The following SETD5 variants were observed in gnomAD, a reference collection of about 807,000 sequenced individuals.
The protein encoded by SETD5 is histone-lysine N-methyltransferase SETD5.
Under a neutral mutation model 153.3 loss-of-function variants are expected in SETD5, and 44 were observed. The observed-to-expected ratio is 0.29, with a 90% CI of 0.23 to 0.37. The LOEUF (loss-of-function observed/expected upper bound fraction) is 0.37. Among genes scored for constraint, SETD5 ranks in the 10% least tolerant of loss-of-function variants. SETD5 has a pLI of 1.00. For synonymous variants in SETD5, 716 were observed against 645.2 expected (o/e 1.11, Z -1.66); for missense variants, 1,544 against 1,768.0 (o/e 0.87, Z 2.27).
intron 8 of SETD5, among the ~76,000 whole-genome samples, chr3:9,440,913 G>A (rs2041198351): frequency 6.6e-6 from 1 of 152,112 alleles, no homozygotes; most frequent in South Asian, 2.1e-4. Flanking sequence ...TAAAAAAATA[G>A]ATGAATTGAG....
At chr3:9,443,176 CAGATTACCATAACTCCTTAAATAAATAAT>C in intron 10 of SETD5, 103 bp from the exon 11 acceptor site, 1 of 676,010 alleles carries the variant, frequency 1.5e-6, no homozygotes, top group East Asian at 2.9e-5. Context: ...GGTTAAATAA[CAGATTACCATAACTCCTTAAATAAATAAT>C]AGATTACCAT....
chr3:9,475,266 C>G, intron 22 of SETD5, 110 bp downstream of exon 22: 1 of 1,215,872 alleles, frequency 8.2e-7, no homozygotes, highest in African/African-American at 1.5e-5. Flanking sequence ...GTTTCAGCAG[C>G]CTTGGAAATA....
At chr3:9,468,654 G>C in intron 18 of SETD5, 10 of 1,254,228 alleles carry the variant, frequency 8.0e-6, no homozygotes, top group Non-Finnish European at 1.1e-5. Flanking sequence ...GTGTGGGGAG[G>C]GCTGGGGATC....
At chr3:9,416,008 G>C (rs2037364465) in intron 1 of SETD5, among the ~76,000 whole-genome samples, 1 of 151,968 alleles carries the variant, frequency 6.6e-6, no homozygotes, top group African/African-American at 2.4e-5. Context: ...GAGTAGCTGG[G>C]ACTATAGGTG....
chr3:9,441,855 A>T, intron 9 of SETD5, 114 bp downstream of exon 9: 1 of 1,294,112 alleles, frequency 7.7e-7, no homozygotes, highest in Non-Finnish European at 1.1e-6. Flanking sequence ...ATCACAACTC[A>T]GATAAGCTCA....
intron 1 of SETD5, among the ~76,000 whole-genome samples, chr3:9,422,907 C>T (rs1559376633): frequency 6.6e-6 from 1 of 152,208 alleles, no homozygotes; most frequent in South Asian, 2.1e-4. Flanking sequence ...AGCCTCAATA[C>T]AAAGACTGTC....
At chr3:9,448,337 C>G (rs2042251187) in intron 15 of SETD5, 51 bp from the exon 16 acceptor site, 6 of 1,587,356 alleles carry the variant, frequency 3.8e-6, no homozygotes, top group Non-Finnish European at 5.1e-6. Flanking sequence ...TCTTTATGAA[C>G]TACACTGCTA....
At position 9,475,105 on chromosome 3, in the gene SETD5, A is replaced by G; in HGVS notation, c.3669A>G (p.Ser1223=). 3 of 1,591,582 alleles carry G rather than the reference A, an allele frequency of 1.9e-6. No homozygotes were observed. Among genetic ancestry groups the G allele is most frequent in the Admixed American group, 1.8e-5 (1 of 56,628 alleles). ...GAGAAGGCCCAGAGACATTAAGCTC[A>G]GCACTCTCTAAAGGAGCAACAGTTT... ...ADGEGPETLS[S]ALSKGATVYS... The change falls in exon 22 of 23, where the codon TCA becomes TCG. Residue 1223 remains serine (S), a synonymous_variant. Coordinates refer to ENST00000402198, the MANE Select transcript of SETD5 (RefSeq NM_001080517.3).
At position 9,465,199 on chromosome 3, in the gene SETD5, G is replaced by T. The variant is rs559575709; in HGVS notation, c.2724+527G>T. 2.0e-5 allele frequency among the ~76,000 whole-genome samples: 3 copies of T among 152,268 alleles called. No homozygotes were observed. In the South Asian group the frequency reaches 6.2e-4, roughly 32 times the overall value. On this transcript the variant is annotated intron_variant, in intron 18 of 22. Coordinates refer to ENST00000402198, the MANE Select transcript of SETD5 (RefSeq NM_001080517.3). ...CGAATGTGGGTTTTTTCCACTCCAG[G>T]TTACTTTCCCTCTTTGTTATAATGT... is the stretch of plus-strand genomic sequence containing the variant.
intron 11 of SETD5, among the ~76,000 whole-genome samples, chr3:9,444,275 G>A (rs187188514): frequency 4.6e-5 from 7 of 152,220 alleles, no homozygotes; most frequent in Admixed American, 4.6e-4. Context: ...GGTCATTTGG[G>A]GCAAAATAGA....
At chr3:9,456,749 C>G (rs1392148415) in intron 17 of SETD5, among the ~76,000 whole-genome samples, 1 of 150,880 alleles carries the variant, frequency 6.6e-6, no homozygotes, top group Non-Finnish European at 1.5e-5. Flanking sequence ...CTGAGGCGGG[C>G]AGATCACGAG....
chr3:9,462,765 T>C (rs924139916), intron 17 of SETD5, among the ~76,000 whole-genome samples: 2 of 151,940 alleles, frequency 1.3e-5, no homozygotes, highest in Non-Finnish European at 1.5e-5. Context: ...AATGTAGATA[T>C]ATGGGAGCAA....
intron 18 of SETD5, among the ~76,000 whole-genome samples, chr3:9,469,618 C>T (rs946866018): frequency 1.3e-5 from 2 of 152,146 alleles, no homozygotes; most frequent in Non-Finnish European, 2.9e-5. Flanking sequence ...GTTAAAGATT[C>T]TAAGATAACG....
At chr3:9,409,673 A>G (rs1398264748) in intron 1 of SETD5, among the ~76,000 whole-genome samples, 3 of 152,180 alleles carry the variant, frequency 2.0e-5, no homozygotes, top group African/African-American at 7.2e-5. Flanking sequence ...AAACCACAGT[A>G]TGGATGGTAG....
Position 9,447,166 on chromosome 3 carries a change from A to G in SETD5, c.1641A>G (p.Thr547=). 6.2e-7 allele frequency: 1 copy of G among 1,613,984 alleles called. No homozygotes were observed. Among genetic ancestry groups the G allele is most frequent in the Non-Finnish European group, 8.5e-7 (1 of 1,179,880 alleles). ...GCAACTCTGATGTAGAGATTACTAC[A>G]ACCACCTCAGAGACTCCTGTTGGTG... ...EQSNSDVEIT[T]TTSETPVGEE... Residue 547 remains threonine (T), a synonymous_variant, in exon 14 of 23, where the codon ACA becomes ACG. Transcript: ENST00000402198.
Position 9,440,470 on chromosome 3 carries a change from A to G in SETD5, c.582A>G (p.Glu194=). ...GTTTTCTACAGAATTCTCCCTCTGA[A>G]GCACAGAATTTAGATGAGAATACAA... ...KTKKIKNSPS[E]AQNLDENTTE... Residue 194 remains glutamate, a synonymous_variant, in exon 8 of 23, where the codon GAA becomes GAG. Transcript: ENST00000402198. 1.9e-6 allele frequency: 3 copies of G among 1,557,124 alleles called. No homozygotes were observed. Among genetic ancestry groups the G allele is most frequent in the Non-Finnish European group, 8.9e-7 (1 of 1,128,094 alleles).
intron 22 of SETD5, 84 bp downstream of exon 22, chr3:9,475,240 G>T: frequency 7.5e-7 from 1 of 1,325,104 alleles, no homozygotes. Context: ...CCATTGAGAT[G>T]CTGTCTTTGC....
chr3:9,450,731 A>G (rs2042525723), intron 16 of SETD5, among the ~76,000 whole-genome samples: 3 of 152,222 alleles, frequency 2.0e-5, no homozygotes, highest in Admixed American at 6.5e-5. Flanking sequence ...GGGATTATTT[A>G]GAACAATGTA....
intron 18 of SETD5, 38 bp from the exon 19 acceptor site, chr3:9,470,421 C>T (rs143564083): frequency 1.3e-6 from 2 of 1,537,660 alleles, no homozygotes; most frequent in Admixed American, 1.7e-5. Flanking sequence ...TTTCCTTTCT[C>T]CCCTACCCCA....
Sources: gnomAD v4.1 joint callset for allele counts (sites outside exome capture counted in the v4.1 genomes callset) on GRCh38, gnomAD v4.1.1 for gene constraint, MANE v1.5 for transcripts, NCBI Gene and HGNC (gene_info 2026-07-23, HGNC 2026-07-21) for gene names.